The following TRIM77 variants were observed in gnomAD, a reference collection of about 807,000 sequenced individuals.
The protein encoded by TRIM77 is tripartite motif-containing protein 77.
A neutral mutation model predicts 31.8 loss-of-function variants in TRIM77; 23 were observed. The ratio of observed to expected loss-of-function variants is 0.72; its 90% confidence interval spans 0.52 to 1.02. TRIM77 has a LOEUF of 1.02. Among genes scored for constraint, TRIM77 ranks in the 50% least tolerant of loss-of-function variants. The pLI, the probability that TRIM77 is intolerant of heterozygous loss-of-function variation, is 0.00. For synonymous variants in TRIM77, 159 were observed against 183.1 expected (o/e 0.87, Z 1.06); for missense variants, 446 against 539.2 (o/e 0.83, Z 1.71).
chr11:89,713,000 G>A (rs369499168), intron 2 of TRIM77, among the ~76,000 whole-genome samples: 2 of 152,088 alleles, frequency 1.3e-5, no homozygotes, highest in African/African-American at 2.4e-5. Flanking sequence ...GAGGTCCGGC[G>A]CGATGGCTCA....
At chr11:89,712,307 C>T (rs1306493520) in intron 2 of TRIM77, among the ~76,000 whole-genome samples, 3 of 152,120 alleles carry the variant, frequency 2.0e-5, no homozygotes, top group African/African-American at 7.2e-5. Context: ...AGGAGTCCTG[C>T]ATTCTCGTGA....
intron 2 of TRIM77, among the ~76,000 whole-genome samples, chr11:89,712,608 T>G (rs1053676491): frequency 1.3e-5 from 2 of 152,198 alleles, no homozygotes; most frequent in African/African-American, 4.8e-5. Flanking sequence ...TGTAAGAATG[T>G]ATTTTTCTGT....
intron 2 of TRIM77, 114 bp downstream of exon 2, chr11:89,711,619 C>T (rs1045470863): frequency 5.9e-5 from 37 of 628,156 alleles, no homozygotes; most frequent in Non-Finnish European, 7.9e-5. Context: ...GAAAAAGGAC[C>T]TACATGTGTT....
intron 5 of TRIM77, 145 bp from the exon 6 acceptor site, chr11:89,717,234 G>T: frequency 2.6e-6 from 2 of 769,792 alleles, no homozygotes. Context: ...TAGTGAGGTG[G>T]AAATATTCCT....
At chr11:89,713,626 G>T (rs1289332906) in intron 2 of TRIM77, among the ~76,000 whole-genome samples, 1 of 151,868 alleles carries the variant, frequency 6.6e-6, no homozygotes, top group East Asian at 1.9e-4. Context: ...GAGAGAGTAG[G>T]CAAACAATAG....
chr11:89,710,848 A>C (rs1201248294), intron 1 of TRIM77, 139 bp downstream of exon 1: 8 of 745,812 alleles, frequency 1.1e-5, no homozygotes, highest in Non-Finnish European at 2.1e-6. Flanking sequence ...ACCATAAATT[A>C]GACACTGTTC....
In TRIM77 at chr11:89,717,576, T is replaced by A. The variant is rs1364961217; in HGVS notation, c.1057T>A (p.Trp353Arg). Residue 353 changes from tryptophan (W) to arginine (R), a missense_variant, in exon 6 of 6, where the codon TGG becomes AGG. Physicochemically the swap from Trp to Arg is moderately radical, Grantham distance 101 (BLOSUM62 -3). Transcript: ENST00000398290. ...GGTGGATGTGAAAGACTCTTGTAAT[T>A]GGGTTATAGGACTTTGCAGAGAAGC... ...WEVDVKDSCN[W>R]VIGLCREAWT... is the part of the protein sequence containing the mutation. The A allele has an allele frequency of 6.4e-6, 10 of 1,551,442 alleles. No individual in the cohort carries two copies. Among genetic ancestry groups the A allele is most frequent in the Non-Finnish European group, 8.7e-6 (10 of 1,146,876 alleles).
chr11:89,716,389 T>C (rs1056910097), intron 5 of TRIM77, among the ~76,000 whole-genome samples: 14 of 152,228 alleles, frequency 9.2e-5, no homozygotes, highest in Non-Finnish European at 5.9e-5. Context: ...TTCGAATGTT[T>C]ACCTAAAGAT....
At chr11:89,717,293 G>A in intron 5 of TRIM77, 86 bp from the exon 6 acceptor site, 1 of 1,259,778 alleles carries the variant, frequency 7.9e-7, no homozygotes, top group Non-Finnish European at 1.1e-6. Context: ...GGGATTGGTT[G>A]TTAAGCATTT....
At chr11:89,715,744 C>T (rs1949156412) in intron 4 of TRIM77, 146 bp from the exon 5 acceptor site, 1 of 551,776 alleles carries the variant, frequency 1.8e-6, no homozygotes, top group Non-Finnish European at 3.3e-6. Flanking sequence ...TTGTAAAATA[C>T]AGTTACAATT....
In TRIM77 at chr11:89,714,390, A is replaced by C; in HGVS notation, c.706A>C (p.Met236Leu). ...AGAAATGTATGAGAAACTGAAGGAAATGAGCTGTAAAGCAGATGTGAACCT... is the reference window on the plus strand; with the variant it reads ...AGAAATGTATGAGAAACTGAAGGAACTGAGCTGTAAAGCAGATGTGAACCT... ...LREMYEKLKE[M>L]SCKADVNLPQ... The change falls in exon 3 of 6, where the codon ATG becomes CTG. Residue 236 changes from methionine to leucine, a missense_variant. By Grantham distance (15) the Met-to-Leu change is conservative. Transcript: ENST00000398290. The C allele has an allele frequency of 6.4e-7, 1 of 1,551,662 alleles. No individual in the cohort carries two copies. The highest frequency in any genetic ancestry group is 8.7e-7 in the Non-Finnish European group (1 of 1,146,952).
Position 89,714,244 on chromosome 11 carries a change from G to C in TRIM77, c.560G>C (p.Cys187Ser). ...ATCAGTGCTGAATATCCTAAGGTGT[G>C]TCAATACCTCCGTGAAGAAGAGCAA... ...MMISAEYPKV[C>S]QYLREEEQKH... is the part of the protein sequence containing the mutation. The change falls in exon 3 of 6, where the codon TGT (cysteine) becomes TCT (serine). Residue 187 changes from cysteine to serine, a missense_variant. By Grantham distance (112) the Cys-to-Ser change is moderately radical (BLOSUM62 -1). Coordinates refer to ENST00000398290, the MANE Select transcript of TRIM77 (RefSeq NM_001146162.1). 6.4e-7 allele frequency: 1 copy of C among 1,551,672 alleles called. No homozygotes were observed. The highest frequency in any genetic ancestry group is 2.4e-5 in the East Asian group (1 of 40,906).
chr11:89,715,252 A>G (rs768068150), intron 4 of TRIM77, 72 bp downstream of exon 4: 1 of 1,370,858 alleles, frequency 7.3e-7, no homozygotes, highest in Non-Finnish European at 1.0e-6. Flanking sequence ...GGATCGACCC[A>G]CACTTTTAGT....
At chr11:89,716,165 T>C (rs1255518461) in intron 5 of TRIM77, among the ~76,000 whole-genome samples, 178 bp downstream of exon 5, 1 of 152,100 alleles carries the variant, frequency 6.6e-6, no homozygotes, top group African/African-American at 2.4e-5. Context: ...CAGGAAAAGC[T>C]AACTGAAGTC....
In TRIM77 at chr11:89,715,300, A is replaced by T. The variant is rs1591485504; in HGVS notation, c.761+120A>T. On this transcript the variant is annotated intron_variant, in intron 4 of 5. Transcript: ENST00000398290. Reference sequence around the variant, plus strand: ...TCTGTATTTATTCCTTTCTTATCAAAGGTCATCCAGGCTTTATATATTGAC... The same window carrying T: ...TCTGTATTTATTCCTTTCTTATCAATGGTCATCCAGGCTTTATATATTGAC... 6.6e-6 allele frequency: 6 copies of T among 915,354 alleles called. No homozygotes were observed. In the East Asian group the frequency reaches 1.6e-4, roughly 24 times the overall value. 56.7% of individuals were successfully genotyped at this position (915,354 alleles called of 1,614,324 possible).
At position 89,710,393 on chromosome 11, in the gene TRIM77, A is replaced by C. The variant is rs1653718653; in HGVS notation, c.95A>C (p.His32Pro). The C allele has an allele frequency of 6.4e-7, 1 of 1,552,010 alleles. No homozygotes were observed. The highest frequency in any genetic ancestry group is 8.7e-7 in the Non-Finnish European group (1 of 1,147,032). ...LTDPVTICCG[H>P]RFCSPCLCLL... ...GACCCTGTCACCATTTGTTGTGGGC[A>C]CAGATTTTGTAGTCCCTGTCTCTGC... Residue 32 changes from histidine (H) to proline (P), a missense_variant, in exon 1 of 6, where the codon CAC becomes CCC. By Grantham distance (77) the His-to-Pro change is moderately conservative. Coordinates refer to ENST00000398290, the MANE Select transcript of TRIM77 (RefSeq NM_001146162.1).
At chr11:89,716,622 A>C in intron 5 of TRIM77, among the ~76,000 whole-genome samples, 1 of 152,180 alleles carries the variant, frequency 6.6e-6, no homozygotes, top group Non-Finnish European at 1.5e-5. Context: ...TCCAAACCAG[A>C]AATTCTGGGA....
At chr11:89,714,485 G>A in intron 3 of TRIM77, 63 bp downstream of exon 3, 1 of 1,096,866 alleles carries the variant, frequency 9.1e-7, no homozygotes, top group Non-Finnish European at 1.3e-6. Context: ...ATCTGCTAGA[G>A]TCTATATCCT....
At chr11:89,715,252 A>T (rs768068150) in intron 4 of TRIM77, 72 bp downstream of exon 4, 1 of 1,370,836 alleles carries the variant, frequency 7.3e-7, no homozygotes, top group Non-Finnish European at 1.0e-6. Context: ...GGATCGACCC[A>T]CACTTTTAGT....
Sources: gnomAD v4.1 joint callset for allele counts (sites outside exome capture counted in the v4.1 genomes callset) on GRCh38, gnomAD v4.1.1 for gene constraint, MANE v1.5 for transcripts, NCBI Gene and HGNC (gene_info 2026-07-23, HGNC 2026-07-21) for gene names.